The following NUP58 variants were observed in gnomAD, a reference collection of about 807,000 sequenced individuals.
NUP58 encodes nucleoporin 58, also known as nucleoporin p58/p45.
In NUP58, 17 loss-of-function variants were observed where a neutral mutation model predicts 70.1. The ratio of observed to expected loss-of-function variants is 0.24; its 90% CI spans 0.17 to 0.36. NUP58 has a LOEUF of 0.36. NUP58 is among the 10% of genes least tolerant of loss of function. NUP58 has a pLI of 1.00. For synonymous variants in NUP58, 275 were observed against 257.6 expected (o/e 1.07, Z -0.65); for missense variants, 644 against 701.5 (o/e 0.92, Z 0.93).
rs566429989 is a variant in NUP58, at chr13:25,333,124, T to TTG, written c.1435+1582_1435+1583dup. 6.5e-3 allele frequency: 6,377 copies of TTG among 981,388 alleles called. 9 individuals carry two copies. Among genetic ancestry groups the TTG allele is most frequent in the Non-Finnish European group, 6.8e-3 (5,592 of 826,702 alleles). The allele number at this position is 981,388 out of a possible 1,614,324, so 60.8% of individuals were successfully genotyped here. ...TGAAGCAAAATCTCCTGTCAAGGGT[T>TTG]TGTGTGTGTGTGTGTGTTTAACTTT... is the stretch of plus-strand genomic sequence containing the variant. On this transcript the variant is annotated intron_variant, in intron 13 of 15. Coordinates refer to ENST00000381736, the MANE Select transcript of NUP58 (RefSeq NM_014089.4).
At chr13:25,343,297 CTTT>C (rs929428863), downstream of NUP58, among the ~76,000 whole-genome samples, 1 of 151,214 alleles carries the variant, frequency 6.6e-6, no homozygotes, top group Non-Finnish European at 1.5e-5. Context: ...AGTTTCTTCT[CTTT>C]TTTTAAATTT....
At chr13:25,325,994 C>T (rs2031379305) in intron 10 of NUP58, among the ~76,000 whole-genome samples, 1 of 152,096 alleles carries the variant, frequency 6.6e-6, no homozygotes, top group African/African-American at 2.4e-5. Flanking sequence ...TATTTTTGTT[C>T]CTCACATTCT....
chr13:25,305,836 G>A (rs1367187053), intron 1 of NUP58, among the ~76,000 whole-genome samples: 1 of 152,018 alleles, frequency 6.6e-6, no homozygotes, highest in Non-Finnish European at 1.5e-5. Flanking sequence ...AAAAATTTGA[G>A]TGGCTTCTTA....
rs1021764003 is a variant in NUP58 at position 25,324,803 on chromosome 13, G to A, written c.952-186G>A. ...TATAAGTTTGTTAAAACTGTAATTT[G>A]TCTGCTCTTGAAAGGTTTTAGCAAC... On this transcript the variant is annotated intron_variant, in intron 9 of 15. Coordinates refer to ENST00000381736, the MANE Select transcript of NUP58 (RefSeq NM_014089.4). Among the ~76,000 whole-genome samples, 6 of 152,126 alleles carry A rather than the reference G, an allele frequency of 3.9e-5. No individual in the cohort carries two copies. In the East Asian group the frequency reaches 9.6e-4, roughly 24 times the overall value.
intron 4 of NUP58, among the ~76,000 whole-genome samples, chr13:25,313,306 C>T (rs554260756): frequency 7.9e-5 from 12 of 152,258 alleles, no homozygotes; most frequent in Admixed American, 6.5e-4. Flanking sequence ...TGGCATAAAC[C>T]TTGCCTGGCT....
intron 3 of NUP58, chr13:25,310,046 T>C (rs781622177): frequency 1.0e-5 from 4 of 384,544 alleles, no homozygotes; most frequent in South Asian, 3.8e-5. Flanking sequence ...TCTTTTTTGC[T>C]TTTTTTTCCC....
intron 14 of NUP58, among the ~76,000 whole-genome samples, chr13:25,337,363 TGTTA>T (rs903510865): frequency 5.4e-4 from 82 of 152,280 alleles, no homozygotes; most frequent in African/African-American, 1.9e-3. Context: ...ATAGTCTTAA[TGTTA>T]GTTTGGAGTC....
intron 10 of NUP58, 58 bp downstream of exon 10, chr13:25,325,126 A>G: frequency 2.5e-6 from 3 of 1,184,382 alleles, no homozygotes; most frequent in East Asian, 4.7e-5. Context: ...CAGAACAGTA[A>G]TAATAGTATA....
intron 3 of NUP58, chr13:25,309,540 C>T: frequency 2.8e-6 from 1 of 359,414 alleles, no homozygotes; most frequent in South Asian, 5.4e-5. Context: ...AAGTTTATTT[C>T]ATATTACTTT....
rs1222552271 is a variant in NUP58, at chr13:25,341,166, C to G, written c.*1032C>G. On this transcript the variant is annotated 3_prime_UTR_variant, in exon 16 of 16. Coordinates refer to ENST00000381736, the MANE Select transcript of NUP58 (RefSeq NM_014089.4). ...CCCCTGATCTTTTCCATTTTTGTTT[C>G]CACCTTAACCTATAGCAGCTCCTCC... 1 of 152,192 alleles carries G rather than the reference C, an allele frequency of 6.6e-6. No homozygotes were observed. The highest frequency in any genetic ancestry group is 1.5e-5 in the Non-Finnish European group (1 of 68,012). 9.4% of individuals were successfully genotyped at this position (152,192 alleles called of 1,614,324 possible).
intron 3 of NUP58, among the ~76,000 whole-genome samples, chr13:25,311,498 C>T (rs1214542934): frequency 1.3e-5 from 2 of 152,050 alleles, no homozygotes; most frequent in Non-Finnish European, 2.9e-5. Flanking sequence ...GTCTCAGCCT[C>T]CCGAGTAGCT....
At position 25,333,621 on chromosome 13, in the gene NUP58, G is replaced by T. The variant is rs1384482241; in HGVS notation, c.1435+2063G>T. 5 of 985,210 alleles carry T rather than the reference G, an allele frequency of 5.1e-6. No homozygotes were observed. In the African/African-American group the frequency reaches 8.7e-5, roughly 17 times the overall value. 61.0% of individuals were successfully genotyped at this position (985,210 alleles called of 1,614,324 possible). ...CTTTTGTTTCTCTAAAGGTCTCCCA[G>T]GCCTTCCCAGTCAAAATTTTCGTTA... On this transcript the variant is annotated intron_variant, in intron 13 of 15. Transcript: ENST00000381736.
At chr13:25,307,062 A>G (rs927517757) in intron 1 of NUP58, among the ~76,000 whole-genome samples, 2 of 152,136 alleles carry the variant, frequency 1.3e-5, no homozygotes, top group Non-Finnish European at 1.5e-5. Context: ...TAGTGAAGAT[A>G]ATTTAAAATA....
downstream of NUP58, among the ~76,000 whole-genome samples, chr13:25,343,069 G>A (rs926690393): frequency 6.6e-6 from 1 of 151,872 alleles, no homozygotes; most frequent in African/African-American, 2.4e-5. Flanking sequence ...GTATTTGGTT[G>A]CATGAGTAAG....
chr13:25,320,260 T>C (rs1038143288), intron 7 of NUP58: 1 of 256,334 alleles, frequency 3.9e-6, no homozygotes, highest in Middle Eastern at 1.2e-3. Flanking sequence ...GTTAGACATT[T>C]AGTCATATGC....
At chr13:25,306,661 T>A (rs980383302) in intron 1 of NUP58, among the ~76,000 whole-genome samples, 1 of 152,202 alleles carries the variant, frequency 6.6e-6, no homozygotes, top group Non-Finnish European at 1.5e-5. Context: ...GAATTTGCCA[T>A]TATGCTGTAT....
downstream of NUP58, among the ~76,000 whole-genome samples, chr13:25,346,877 T>C (rs2032057212): frequency 6.6e-6 from 1 of 152,182 alleles, no homozygotes; most frequent in Admixed American, 6.5e-5. Flanking sequence ...GTATTTAAAA[T>C]GTTAAATTTG....
At chr13:25,311,002 T>C (rs1426846916) in intron 3 of NUP58, among the ~76,000 whole-genome samples, 2 of 152,194 alleles carry the variant, frequency 1.3e-5, no homozygotes, top group Admixed American at 6.5e-5. Context: ...GATAGGCAGG[T>C]ATATTAACAT....
intron 7 of NUP58, chr13:25,320,317 C>G (rs2031126925): frequency 2.5e-6 from 1 of 404,284 alleles, no homozygotes; most frequent in South Asian, 4.4e-5. Flanking sequence ...GATAAGAAAT[C>G]TTCATGTCAG....
Sources: allele counts gnomAD v4.1 joint callset (sites outside exome capture counted in the v4.1 genomes callset), GRCh38; gene constraint gnomAD v4.1.1; transcripts MANE v1.5; gene names NCBI Gene and HGNC (gene_info 2026-07-23, HGNC 2026-07-21).